PRLR: variants seen among roughly 807,000 people sequenced by gnomAD.
The protein encoded by PRLR is hPRL receptor.
In PRLR, 13 loss-of-function variants were observed where a neutral mutation model predicts 40.2. That is an observed-to-expected ratio of 0.32 (90% CI 0.21 to 0.51). PRLR has a LOEUF of 0.51. Among genes scored for constraint, PRLR ranks in the 20% least tolerant of loss-of-function variants. The probability of loss-of-function intolerance (pLI) is 0.97; values close to 1 mark genes in which losing one functional copy is unlikely to be tolerated. For synonymous variants in PRLR, 269 were observed against 278.7 expected, an observed-to-expected ratio of 0.97 and a Z score of 0.35; for missense variants, 656 against 747.3, an observed-to-expected ratio of 0.88 and a Z score of 1.42.
chr5:35,065,907 G>A lies in PRLR; in HGVS notation c.1051C>T (p.Arg351Trp), dbSNP rs761448431. 1.4e-5 allele frequency: 23 copies of A among 1,613,968 alleles called. No homozygotes were observed. Among genetic ancestry groups the A allele is most frequent in the African/African-American group, 1.3e-4 (10 of 74,894 alleles). ...TYLDPDTDSGRGSCDSPSLLS... is the reference protein window; with the variant it reads ...TYLDPDTDSGWGSCDSPSLLS... ...AGGGAAGGGCTGTCACAGCTCCCCCGGCCTGAGTCAGTGTCAGGATCCAGG... is the reference window on the plus strand; with the variant it reads ...AGGGAAGGGCTGTCACAGCTCCCCCAGCCTGAGTCAGTGTCAGGATCCAGG... Residue 351 changes from arginine to tryptophan, a missense_variant, in exon 10 of 10, where the codon CGG becomes TGG. Arg to Trp is a moderately radical substitution (Grantham distance 101). Transcript: ENST00000618457.
chr5:35,083,019 G>T (rs76739832), intron 5 of PRLR, among the ~76,000 whole-genome samples: 1 of 150,538 alleles, frequency 6.6e-6, no homozygotes, highest in Non-Finnish European at 1.5e-5. Context: ...AACATTTCTT[G>T]CTTTCATTGT....
At chr5:35,141,578 C>T (rs532259481) in intron 1 of PRLR, among the ~76,000 whole-genome samples, 19 of 152,208 alleles carry the variant, frequency 1.2e-4, no homozygotes, top group African/African-American at 4.3e-4. Context: ...AAAAAGCAAC[C>T]ATGAAGAATG....
At chr5:35,178,910 A>G (rs1444395420) in intron 1 of PRLR, among the ~76,000 whole-genome samples, 4 of 152,176 alleles carry the variant, frequency 2.6e-5, no homozygotes, top group African/African-American at 9.7e-5. Flanking sequence ...GATTTCTTAA[A>G]GTGTTTGTAA....
chr5:35,225,622 T>C (rs1007621095), intron 1 of PRLR, among the ~76,000 whole-genome samples: 9 of 152,270 alleles, frequency 5.9e-5, no homozygotes, highest in Non-Finnish European at 1.2e-4. Flanking sequence ...TTTAAACTAG[T>C]ATACCTAAAA....
intron 1 of PRLR, among the ~76,000 whole-genome samples, chr5:35,217,252 G>GT (rs1200556542): frequency 1.3e-5 from 2 of 152,168 alleles, no homozygotes; most frequent in African/African-American, 4.8e-5. Flanking sequence ...ACATTCCCAA[G>GT]TTCCTGCAGA....
intron 1 of PRLR, among the ~76,000 whole-genome samples, chr5:35,187,421 A>G (rs551534227): frequency 3.3e-5 from 5 of 151,696 alleles, no homozygotes; most frequent in African/African-American, 1.2e-4. Context: ...AAAGAAGAAG[A>G]AGGTTGTTAT....
intron 1 of PRLR, among the ~76,000 whole-genome samples, chr5:35,194,245 T>C (rs555079749): frequency 3.9e-5 from 6 of 152,198 alleles, no homozygotes; most frequent in Non-Finnish European, 8.8e-5. Flanking sequence ...AGTGCTGGGC[T>C]CTCAGGATGA....
intron 1 of PRLR, among the ~76,000 whole-genome samples, chr5:35,167,313 T>C (rs1029451133): frequency 1.3e-5 from 2 of 152,104 alleles, no homozygotes; most frequent in Non-Finnish European, 2.9e-5. Context: ...TGCCAATTTT[T>C]GGAGCAAGAA....
intron 3 of PRLR, among the ~76,000 whole-genome samples, chr5:35,086,563 GTGTGTGTGT>G (rs1770864486): frequency 2.1e-5 from 3 of 140,786 alleles, no homozygotes; most frequent in African/African-American, 7.7e-5. Context: ...TTTTGCTGGT[GTGTGTGTGT>G]GTGTGTGTGT....
chr5:35,220,263 T>C (rs1456607303), intron 1 of PRLR, among the ~76,000 whole-genome samples: 1 of 152,158 alleles, frequency 6.6e-6, no homozygotes, highest in East Asian at 1.9e-4. Context: ...TTCCCACCTT[T>C]CCCTCATTGC....
chr5:35,171,500 CTG>C (rs1774996237), intron 1 of PRLR, among the ~76,000 whole-genome samples: 1 of 152,068 alleles, frequency 6.6e-6, no homozygotes. Context: ...TGTTTAGCAA[CTG>C]GGCTGTTTTG....
chr5:35,082,517 A>AC (rs772939619), intron 5 of PRLR, among the ~76,000 whole-genome samples: 8 of 151,826 alleles, frequency 5.3e-5, no homozygotes, highest in Middle Eastern at 3.4e-3. Context: ...TACAAGTAAT[A>AC]CCCCCATCTC....
rs1769280779 is a variant in PRLR at position 35,065,262 on chromosome 5, C to T, written c.1696G>A (p.Ala566Thr). ...TCTTCAAAGCAAGCCACGTTTTTAG[C>T]ATGTGGATCTGGCACCAACACCAGG... is the stretch of plus-strand genomic sequence containing the variant. ...NILVLVPDPH[A>T]KNVACFEESA... is the part of the protein sequence containing the mutation. The change falls in exon 10 of 10, where the codon GCT becomes ACT. Residue 566 changes from alanine (A) to threonine (T), a missense_variant. By Grantham distance (58) the Ala-to-Thr change is moderately conservative. This residue lies in a region of PRLR where 469 missense variants were observed against 491.5 expected (regional missense o/e 0.95). Transcript: ENST00000618457. The T allele has an allele frequency of 6.2e-7, 1 of 1,614,142 alleles. No individual in the cohort carries two copies. The highest frequency in any genetic ancestry group is 1.1e-5 in the South Asian group (1 of 91,080).
chr5:35,226,174 G>A (rs1371856045), intron 1 of PRLR, among the ~76,000 whole-genome samples: 1 of 152,230 alleles, frequency 6.6e-6, no homozygotes, highest in Non-Finnish European at 1.5e-5. Flanking sequence ...ACAAATCGTT[G>A]TCAGCATTCA....
At chr5:35,136,578 G>A (rs1411464100) in intron 1 of PRLR, among the ~76,000 whole-genome samples, 1 of 152,166 alleles carries the variant, frequency 6.6e-6, no homozygotes, top group East Asian at 1.9e-4. Context: ...CATGGGAGAG[G>A]CAGCATCAGG....
chr5:35,137,908 C>G (rs977591927), intron 1 of PRLR, among the ~76,000 whole-genome samples: 1 of 152,134 alleles, frequency 6.6e-6, no homozygotes, highest in African/African-American at 2.4e-5. Flanking sequence ...GCACTCCAGC[C>G]TGGATGACAG....
At chr5:35,117,488 T>C (rs897979064) in intron 2 of PRLR, among the ~76,000 whole-genome samples, 2 of 152,104 alleles carry the variant, frequency 1.3e-5, no homozygotes, top group African/African-American at 4.8e-5. Flanking sequence ...ATCTGTAAAA[T>C]GGAGTCGTAA....
intron 1 of PRLR, among the ~76,000 whole-genome samples, chr5:35,124,304 A>C (rs1487869484): frequency 6.6e-6 from 1 of 152,218 alleles, no homozygotes; most frequent in Non-Finnish European, 1.5e-5. Flanking sequence ...AAGGCCCACC[A>C]GTCAATAGAT....
chr5:35,179,977 T>C (rs1775249810), intron 1 of PRLR, among the ~76,000 whole-genome samples: 1 of 152,204 alleles, frequency 6.6e-6, no homozygotes, highest in Non-Finnish European at 1.5e-5. Context: ...CAACTCACCA[T>C]AATGTAAAAT....
Sources: allele counts gnomAD v4.1 joint callset (sites outside exome capture counted in the v4.1 genomes callset), GRCh38; gene constraint gnomAD v4.1.1; regional missense constraint gnomAD v4.1.1; transcripts MANE v1.5; gene names NCBI Gene and HGNC (gene_info 2026-07-23, HGNC 2026-07-21).